Variants in GDPD5 observed in about 807,000 individuals in gnomAD.
GDPD5 encodes glycerophosphodiester phosphodiesterase 2.
A neutral mutation model predicts 75.1 loss-of-function variants in GDPD5; 48 were observed. The observed-to-expected ratio is 0.64, with a 90% CI of 0.51 to 0.81. The LOEUF (loss-of-function observed/expected upper bound fraction) is 0.81, where lower values mean the gene tolerates loss of function less well. Among genes scored for constraint, GDPD5 ranks in the 40% least tolerant of loss-of-function variants. GDPD5 has a pLI of 0.00. For missense variants in GDPD5, 706 were observed against 822.6 expected (o/e 0.86, Z 1.73); for synonymous variants, 336 against 339.0 (o/e 0.99, Z 0.10).
chr11:75,455,237 C>G (rs1949259275), intron 6 of GDPD5: 1 of 451,974 alleles, frequency 2.2e-6, no homozygotes, highest in Non-Finnish European at 4.4e-6. Flanking sequence ...CAGAAGGTGA[C>G]CACAGCATGT....
At chr11:75,440,022 ACTGAGGGTCCGTGGAC>A in intron 14 of GDPD5, 61 bp from the exon 15 acceptor site, 1 of 1,350,876 alleles carries the variant, frequency 7.4e-7, no homozygotes, top group East Asian at 2.3e-5. Flanking sequence ...GAGGCTCCAG[ACTGAGGGTCCGTGGAC>A]CAAAGGACCC....
intron 4 of GDPD5, among the ~76,000 whole-genome samples, chr11:75,461,036 G>A (rs753470931): frequency 2.4e-4 from 36 of 152,138 alleles, no homozygotes; most frequent in African/African-American, 3.9e-4. Flanking sequence ...GCTGTGTGAC[G>A]CTGGAAAGGC....
At chr11:75,448,606 G>A in intron 9 of GDPD5, 1 of 1,024,400 alleles carries the variant, frequency 9.8e-7, no homozygotes, top group Non-Finnish European at 1.2e-6. Flanking sequence ...GTCACAGTGG[G>A]CTCTGAGCTG....
At chr11:75,451,682 G>T (rs1004184178) in intron 6 of GDPD5, 3 of 152,240 alleles carry the variant, frequency 2.0e-5, no homozygotes, top group African/African-American at 7.2e-5. Flanking sequence ...AGGTGGCCCT[G>T]CACACAGTGA....
intron 6 of GDPD5, among the ~76,000 whole-genome samples, chr11:75,454,010 A>T (rs1949232044): frequency 6.6e-6 from 1 of 152,192 alleles, no homozygotes; most frequent in South Asian, 2.1e-4. Flanking sequence ...TCATCAAGAG[A>T]TGACAGATTC....
intron 3 of GDPD5, among the ~76,000 whole-genome samples, chr11:75,463,964 C>T (rs899240205): frequency 2.6e-5 from 4 of 152,238 alleles, no homozygotes; most frequent in Non-Finnish European, 5.9e-5. Context: ...TCGTGCCTGC[C>T]GCGGTGCGCC....
rs1401074262 is a variant in GDPD5 at position 75,436,951 on chromosome 11, T to G, written c.1654A>C (p.Lys552Gln). 6 of 1,613,402 alleles carry G rather than the reference T, an allele frequency of 3.7e-6. No individual in the cohort carries two copies. The East Asian group carries it at 1.1e-4, about 30-fold the overall frequency. Residue 552 changes from lysine to glutamine, a missense_variant, in exon 16 of 17, where the codon AAG (lysine) becomes CAG (glutamine). Lys to Gln is a moderately conservative substitution (Grantham distance 53, BLOSUM62 1). Transcript: ENST00000336898. ...TSRDVSIMKE[K>Q]LIFSEISDGV... Reference sequence around the variant, plus strand: ...GGCTGTGTACCTGAGAAAATAAGCTTCTCCTTCATGATGCTGACGTCCCGG... The same window carrying G: ...GGCTGTGTACCTGAGAAAATAAGCTGCTCCTTCATGATGCTGACGTCCCGG...
rs905439831 is a variant in GDPD5, at chr11:75,461,198, A to T, written c.221+1588T>A. ...ATGGGGGTAGACTTGATGATCTTCT[A>T]GGCAGCAGACTCCAGTTCCGAGGAA... On this transcript the variant is annotated intron_variant, in intron 4 of 16. Coordinates refer to ENST00000336898, the MANE Select transcript of GDPD5 (RefSeq NM_030792.8). Among the ~76,000 whole-genome samples, 7 of 152,118 alleles carry T rather than the reference A, an allele frequency of 4.6e-5. No individual in the cohort carries two copies. In the East Asian group the frequency reaches 1.2e-3, roughly 25 times the overall value.
chr11:75,509,823 G>C (rs1489147404), intron 1 of GDPD5, among the ~76,000 whole-genome samples: 1 of 152,186 alleles, frequency 6.6e-6, no homozygotes, highest in East Asian at 1.9e-4. Flanking sequence ...GGGATTACAG[G>C]CACGCACCAC....
At chr11:75,477,911 G>A in intron 2 of GDPD5, 116 bp from the exon 3 acceptor site, 1 of 444,578 alleles carries the variant, frequency 2.2e-6, no homozygotes, top group South Asian at 5.4e-5. Context: ...GCACTGCAGT[G>A]GGGCTCCGTC....
In GDPD5 at chr11:75,436,964, G is replaced by A. The variant is rs996953039; in HGVS notation, c.1641C>T (p.Ser547=). The A allele has an allele frequency of 6.2e-7, 1 of 1,613,604 alleles. No individual in the cohort carries two copies. The highest frequency in any genetic ancestry group is 8.5e-7 in the Non-Finnish European group (1 of 1,179,956). The change falls in exon 16 of 17, where the codon AGC becomes AGT. Residue 547 remains serine (S), a synonymous_variant. Transcript: ENST00000336898. ...AGAAAATAAGCTTCTCCTTCATGAT[G>A]CTGACGTCCCGGCTGGTCCGGCGCA... ...AAVRRTSRDV[S]IMKEKLIFSE...
rs1320981100 is a variant in GDPD5, at chr11:75,525,789, C to G, written c.-724G>C. The stretch of plus-strand genomic sequence containing the variant: ...GCTCTCTCTGCAAAACGGGGCGAAC[C>G]TCGGCGCGGCGGCCGACTCCCGAGC... On this transcript the variant is annotated 5_prime_UTR_variant, in exon 1 of 17. Coordinates refer to ENST00000336898, the MANE Select transcript of GDPD5 (RefSeq NM_030792.8). The G allele has an allele frequency of 6.6e-6, 1 of 151,116 alleles. No individual in the cohort carries two copies. Among genetic ancestry groups the G allele is most frequent in the African/African-American group, 2.4e-5 (1 of 41,264 alleles). The allele number at this position is 151,116 out of a possible 1,614,324, so 9.4% of individuals were successfully genotyped here.
At chr11:75,487,127 T>G (rs773563474) in intron 2 of GDPD5, among the ~76,000 whole-genome samples, 1 of 152,336 alleles carries the variant, frequency 6.6e-6, no homozygotes, top group Middle Eastern at 3.4e-3. Flanking sequence ...GGCCCTGCCC[T>G]GTGCTCTCCG....
rs1369815023 is a variant in GDPD5, at chr11:75,449,055, G to C, written c.636C>G (p.Thr212=). ...VVFALYLAPL[T]ISSPCIMEKK... The stretch of plus-strand genomic sequence containing the variant: ...TCTCCATGATGCAGGGAGAGGAGAT[G>C]GTGAGAGGGGCCAGGTAGAGGGCAA... Residue 212 remains threonine, a synonymous_variant, in exon 9 of 17, where the codon ACC becomes ACG. Coordinates refer to ENST00000336898, the MANE Select transcript of GDPD5 (RefSeq NM_030792.8). 1 of 1,608,898 alleles carries C rather than the reference G, an allele frequency of 6.2e-7. No homozygotes were observed. Among genetic ancestry groups the C allele is most frequent in the Non-Finnish European group, 8.5e-7 (1 of 1,178,486 alleles).
intron 1 of GDPD5, among the ~76,000 whole-genome samples, chr11:75,511,055 A>G (rs948860158): frequency 2.6e-5 from 4 of 152,248 alleles, no homozygotes; most frequent in Middle Eastern, 3.2e-3. Context: ...GAAGAGACTT[A>G]GATTGTCTTG....
chr11:75,440,245 T>C (rs1472376694), intron 14 of GDPD5, among the ~76,000 whole-genome samples: 1 of 152,132 alleles, frequency 6.6e-6, no homozygotes, highest in East Asian at 1.9e-4. Flanking sequence ...CTGCAGGGTC[T>C]GTGTGTCTAG....
chr11:75,450,025 G>A (rs1422762178), intron 6 of GDPD5, 42 bp from the exon 7 acceptor site: 2 of 1,557,084 alleles, frequency 1.3e-6, no homozygotes, highest in Non-Finnish European at 8.8e-7. Flanking sequence ...CAGAGCGGGT[G>A]GGAGGGTTCC....
At chr11:75,483,558 T>C (rs1342572424) in intron 2 of GDPD5, among the ~76,000 whole-genome samples, 2 of 152,174 alleles carry the variant, frequency 1.3e-5, no homozygotes, top group Non-Finnish European at 2.9e-5. Flanking sequence ...GATTCTAGCC[T>C]GGTCACCCTC....
intron 2 of GDPD5, among the ~76,000 whole-genome samples, chr11:75,487,166 G>A (rs929829657): frequency 3.9e-5 from 6 of 152,194 alleles, no homozygotes; most frequent in African/African-American, 1.2e-4. Context: ...TAGCTTTTCC[G>A]GGGTGCTCAA....
Sources: gnomAD v4.1 joint callset for allele counts (sites outside exome capture counted in the v4.1 genomes callset) on GRCh38, gnomAD v4.1.1 for gene constraint, MANE v1.5 for transcripts, NCBI Gene and HGNC (gene_info 2026-07-23, HGNC 2026-07-21) for gene names.